SEPTIN7: variants seen among roughly 807,000 people sequenced by gnomAD.
SEPTIN7 encodes septin 7, also known as septin-7.
A neutral mutation model predicts 63.3 loss-of-function variants in SEPTIN7; 10 were observed. That is an observed-to-expected ratio of 0.16 (90% CI 0.10 to 0.27). The LOEUF is 0.27. Among genes scored for constraint, SEPTIN7 ranks in the 10% least tolerant of loss-of-function variants. The pLI, the probability that SEPTIN7 is intolerant of heterozygous loss-of-function variation, is 1.00. For missense variants in SEPTIN7, 310 were observed against 521.0 expected, an observed-to-expected ratio of 0.59 and a Z score of 3.94; for synonymous variants, 131 against 165.3, an observed-to-expected ratio of 0.79 and a Z score of 1.59.
At chr7:35,909,609 A>G (rs1788702836), downstream of SEPTIN7, among the ~76,000 whole-genome samples, 1 of 152,238 alleles carries the variant, frequency 6.6e-6, no homozygotes, top group South Asian at 2.1e-4. Context: ...AGGGAAGGAA[A>G]CAAAATTGAA....
intron 1 of SEPTIN7, among the ~76,000 whole-genome samples, chr7:35,820,256 C>A (rs1373178747): frequency 6.6e-6 from 1 of 151,992 alleles, no homozygotes; most frequent in East Asian, 1.9e-4. Flanking sequence ...TTATCTTATT[C>A]AGTTTGTTGA....
chr7:35,850,194 G>A (rs1351319556), intron 3 of SEPTIN7, among the ~76,000 whole-genome samples: 1 of 152,090 alleles, frequency 6.6e-6, no homozygotes, highest in Non-Finnish European at 1.5e-5. Flanking sequence ...ATGTATTTTG[G>A]TTAAGAACTA....
rs114715163 is a variant in SEPTIN7 at position 35,861,264 on chromosome 7, C to T, written c.170-2288C>T. 8.5e-3 allele frequency among the ~76,000 whole-genome samples: 1,287 copies of T among 152,248 alleles called. 17 individuals are homozygous for T. Among genetic ancestry groups the T allele is most frequent in the African/African-American group, 0.03 (1,255 of 41,532 alleles). On this transcript the variant is annotated intron_variant, in intron 3 of 13. Coordinates refer to ENST00000350320, the MANE Select transcript of SEPTIN7 (RefSeq NM_001788.6). ...TTCAGACAGCTGCTTTAAAGTCTGT[C>T]TAATAAATCTAATATCTGTATTTCT...
At chr7:35,832,236 A>G (rs532914677) in intron 2 of SEPTIN7, 1 of 368,776 alleles carries the variant, frequency 2.7e-6, no homozygotes, top group Non-Finnish European at 5.3e-6. Context: ...TGGACCTGGC[A>G]TAACAGCTTG....
At chr7:35,850,736 G>T (rs1784916339) in intron 3 of SEPTIN7, among the ~76,000 whole-genome samples, 1 of 152,052 alleles carries the variant, frequency 6.6e-6, no homozygotes, top group African/African-American at 2.4e-5. Flanking sequence ...TGCCTTGTTT[G>T]TACATTGTTT....
At chr7:35,837,436 C>G (rs922102418) in intron 3 of SEPTIN7, among the ~76,000 whole-genome samples, 3 of 152,100 alleles carry the variant, frequency 2.0e-5, no homozygotes, top group Non-Finnish European at 4.4e-5. Context: ...GTTAAAATTG[C>G]TAGCTAGTAT....
At chr7:35,885,916 T>C in intron 10 of SEPTIN7, 37 bp downstream of exon 10, 1 of 1,444,382 alleles carries the variant, frequency 6.9e-7, no homozygotes, top group Non-Finnish European at 9.7e-7. Context: ...CATAAGATTT[T>C]CTTTCCCTAA....
chr7:35,879,978 T>C, intron 7 of SEPTIN7, 38 bp downstream of exon 7: 1 of 1,185,558 alleles, frequency 8.4e-7, no homozygotes, highest in South Asian at 1.3e-5. Flanking sequence ...CTTATACCGT[T>C]CTCATAATTT....
intron 3 of SEPTIN7, among the ~76,000 whole-genome samples, chr7:35,857,144 T>C (rs146828156): frequency 6.6e-6 from 1 of 152,190 alleles, no homozygotes; most frequent in African/African-American, 2.4e-5. Flanking sequence ...AATTGAACAC[T>C]TATCAATCTG....
intron 3 of SEPTIN7, among the ~76,000 whole-genome samples, chr7:35,858,978 C>T (rs1039046482): frequency 2.4e-4 from 37 of 152,184 alleles, no homozygotes; most frequent in African/African-American, 8.2e-4. Flanking sequence ...CCACACCCTG[C>T]CGTTTCTATT....
chr7:35,903,768 C>T (rs1367017805), intron 13 of SEPTIN7, among the ~76,000 whole-genome samples: 1 of 152,122 alleles, frequency 6.6e-6, no homozygotes, highest in African/African-American at 2.4e-5. Flanking sequence ...AAGTGGCATT[C>T]CTATAAGGAT....
chr7:35,888,302 A>G (rs929643868), intron 10 of SEPTIN7, among the ~76,000 whole-genome samples: 1 of 152,256 alleles, frequency 6.6e-6, no homozygotes, highest in Non-Finnish European at 1.5e-5. Flanking sequence ...CATAACCTGA[A>G]AAAATCAGAA....
chr7:35,862,138 T>C (rs1036865795), intron 3 of SEPTIN7, among the ~76,000 whole-genome samples: 37 of 152,124 alleles, frequency 2.4e-4, no homozygotes, highest in African/African-American at 8.2e-4. Flanking sequence ...CACCCAGAAG[T>C]ATAACAAACT....
chr7:35,892,330 G>A (rs1247392708), intron 11 of SEPTIN7, among the ~76,000 whole-genome samples: 1 of 152,056 alleles, frequency 6.6e-6, no homozygotes, highest in African/African-American at 2.4e-5. Context: ...CAAAAGGAAG[G>A]CTTTTTATCT....
intron 1 of SEPTIN7, among the ~76,000 whole-genome samples, chr7:35,819,772 T>TG (rs1345161488): frequency 1.3e-5 from 2 of 151,846 alleles, no homozygotes; most frequent in Non-Finnish European, 2.9e-5. Flanking sequence ...TTTTCTGTCC[T>TG]TTTTTTTCAA....
chr7:35,858,041 A>G (rs1785296334), intron 3 of SEPTIN7, among the ~76,000 whole-genome samples: 1 of 151,886 alleles, frequency 6.6e-6, no homozygotes, highest in African/African-American at 2.4e-5. Flanking sequence ...CTCCTGGTTC[A>G]GGCAGTTCTC....
rs762743901 is a variant in SEPTIN7, at chr7:35,890,662, T to A, written c.873-6T>A. 6.6e-7 allele frequency: 1 copy of A among 1,524,136 alleles called. No homozygotes were observed. The highest frequency in any genetic ancestry group is 8.8e-7 in the Non-Finnish European group (1 of 1,141,214). The allele number at this position is 1,524,136 out of a possible 1,614,324, so 94.4% of individuals were successfully genotyped here. ...GAAGCAAACTCTTGCTGTTTGTTTA[T>A]GACAGAACACACATGCAGGACTTGA... On this transcript the variant is annotated splice_polypyrimidine_tract_variant and splice_region_variant and intron_variant, in intron 10 of 13. Transcript: ENST00000350320.
chr7:35,862,313 A>G (rs1188508818), intron 3 of SEPTIN7, among the ~76,000 whole-genome samples: 1 of 152,174 alleles, frequency 6.6e-6, no homozygotes, highest in Non-Finnish European at 1.5e-5. Context: ...AAAACTAAAA[A>G]AAACCTCTAA....
rs533226948 is a variant in SEPTIN7 at position 35,855,099 on chromosome 7, A to G, written c.170-8453A>G. 4.6e-5 allele frequency among the ~76,000 whole-genome samples: 7 copies of G among 152,156 alleles called. No individual in the cohort carries two copies. The South Asian group carries it at 1.0e-3, about 23-fold the overall frequency. ...GGTGCAAGTCTTTTGGCATTTTTTT[A>G]TACTTTTATATACACCAGGCATTCC... is the stretch of plus-strand genomic sequence containing the variant. On this transcript the variant is annotated intron_variant, in intron 3 of 13. Coordinates refer to ENST00000350320, the MANE Select transcript of SEPTIN7 (RefSeq NM_001788.6).
Sources: allele counts gnomAD v4.1 joint callset (sites outside exome capture counted in the v4.1 genomes callset), GRCh38; gene constraint gnomAD v4.1.1; transcripts MANE v1.5; gene names NCBI Gene and HGNC (gene_info 2026-07-23, HGNC 2026-07-21).